Variants in PAPOLG observed in about 807,000 individuals in gnomAD.
PAPOLG encodes the protein PAP-gamma.
PAPOLG carries 40 observed loss-of-function variants against 99.0 expected under a neutral mutation model. That is an observed-to-expected ratio of 0.40 (90% confidence interval 0.31 to 0.53). The LOEUF (loss-of-function observed/expected upper bound fraction) is 0.53. PAPOLG is among the 20% of genes least tolerant of loss of function. The probability of loss-of-function intolerance (pLI) is 0.41; values close to 1 mark genes in which losing one functional copy is unlikely to be tolerated. For missense variants in PAPOLG, 675 were observed against 884.1 expected (o/e 0.76, Z 3.00); for synonymous variants, 310 against 299.3 (o/e 1.04, Z -0.37).
intron 3 of PAPOLG, 130 bp from the exon 4 acceptor site, chr2:60,768,340 G>C (rs1326842223): frequency 1.2e-6 from 1 of 805,036 alleles, no homozygotes; most frequent in African/African-American, 1.8e-5. Flanking sequence ...GACCTCAGGT[G>C]ATCCACCGGC....
intron 13 of PAPOLG, among the ~76,000 whole-genome samples, chr2:60,785,287 C>T (rs1229684890): frequency 6.6e-6 from 1 of 151,930 alleles, no homozygotes; most frequent in African/African-American, 2.4e-5. Context: ...TACAGGCGCC[C>T]GCACCTCGCC....
In PAPOLG at chr2:60,794,005, C is replaced by T. The variant is rs867025903; in HGVS notation, c.1803C>T (p.Pro601=). ...VDSTVKTVSP[P]TVCTIPTVVG... Reference sequence around the variant, plus strand: ...CTACAGTAAAAACTGTATCACCCCCCACTGTGTGTACCATTCCTACCGTAG... The same window carrying T: ...CTACAGTAAAAACTGTATCACCCCCTACTGTGTGTACCATTCCTACCGTAG... Residue 601 remains proline, a synonymous_variant, in exon 19 of 22, where the codon CCC becomes CCT. Coordinates refer to ENST00000238714, the MANE Select transcript of PAPOLG (RefSeq NM_022894.4). 5 of 1,612,242 alleles carry T rather than the reference C, an allele frequency of 3.1e-6. No individual in the cohort carries two copies. Among genetic ancestry groups the T allele is most frequent in the Non-Finnish European group, 2.5e-6 (3 of 1,178,288 alleles).
chr2:60,788,188 A>C (rs981368514), intron 15 of PAPOLG, among the ~76,000 whole-genome samples: 6 of 152,198 alleles, frequency 3.9e-5, no homozygotes, highest in Non-Finnish European at 2.9e-5. Flanking sequence ...AATGCATAGA[A>C]TATCTCTGGA....
At position 60,768,848 on chromosome 2, in the gene PAPOLG, T is replaced by A; in HGVS notation, c.396T>A (p.Phe132Leu). The change falls in exon 5 of 22, where the codon TTT (phenylalanine) becomes TTA (leucine). Residue 132 changes from phenylalanine (F) to leucine (L), a missense_variant. Phe to Leu is a conservative substitution (Grantham distance 22). Coordinates refer to ENST00000238714, the MANE Select transcript of PAPOLG (RefSeq NM_022894.4). ...AAAGATCTGATTTTTTTCAGTCTTT[T>A]TTTGAAAAATTGAAACATCAAGATG... ...HVERSDFFQS[F>L]FEKLKHQDGI... 1 of 1,602,984 alleles carries A rather than the reference T, an allele frequency of 6.2e-7. No homozygotes were observed. Among genetic ancestry groups the A allele is most frequent in the Non-Finnish European group, 8.5e-7 (1 of 1,173,778 alleles).
chr2:60,758,017 A>T (rs1459777319), intron 1 of PAPOLG, among the ~76,000 whole-genome samples: 1 of 152,162 alleles, frequency 6.6e-6, no homozygotes, highest in South Asian at 2.1e-4. Flanking sequence ...TGGAGTTCAG[A>T]TTCTGGCTTG....
chr2:60,768,418 T>C (rs1335006020), intron 3 of PAPOLG, 52 bp from the exon 4 acceptor site: 1 of 1,591,726 alleles, frequency 6.3e-7, no homozygotes, highest in Non-Finnish European at 8.6e-7. Flanking sequence ...GAGGTGACTT[T>C]TATGCTAAAT....
At chr2:60,780,833 A>T (rs1045310592) in intron 10 of PAPOLG, 54 bp downstream of exon 10, 2 of 1,369,152 alleles carry the variant, frequency 1.5e-6, no homozygotes, top group Non-Finnish European at 2.1e-6. Flanking sequence ...AGGACATTTC[A>T]CTAAATTACA....
chr2:60,786,304 C>T (rs1671359979), intron 13 of PAPOLG, among the ~76,000 whole-genome samples: 1 of 152,044 alleles, frequency 6.6e-6, no homozygotes, highest in Non-Finnish European at 1.5e-5. Flanking sequence ...GATCTTAGCT[C>T]ACTGCAACCT....
intron 8 of PAPOLG, among the ~76,000 whole-genome samples, chr2:60,778,339 TTTTA>T (rs550558897): frequency 7.3e-6 from 1 of 136,100 alleles, no homozygotes; most frequent in Non-Finnish European, 1.7e-5. Context: ...TTTTATTTTA[TTTTA>T]TTTATTTATT....
chr2:60,757,846 C>A (rs1172316283), intron 1 of PAPOLG, among the ~76,000 whole-genome samples: 1 of 152,146 alleles, frequency 6.6e-6, no homozygotes, highest in Non-Finnish European at 1.5e-5. Flanking sequence ...TTTCCCCTCC[C>A]CTCTAGATGG....
intron 9 of PAPOLG, 123 bp from the exon 10 acceptor site, chr2:60,780,584 C>G (rs1302023822): frequency 1.9e-6 from 2 of 1,049,318 alleles, no homozygotes; most frequent in African/African-American, 3.3e-5. Context: ...CCTTTTTTTC[C>G]TTTAATACCA....
intron 11 of PAPOLG, 94 bp downstream of exon 11, chr2:60,782,099 T>G: frequency 7.9e-7 from 1 of 1,264,088 alleles, no homozygotes. Flanking sequence ...GCAGTTAGAG[T>G]TATACCTATT....
At chr2:60,771,368 CATGTGA>C in intron 6 of PAPOLG, 145 bp from the exon 7 acceptor site, 1 of 726,714 alleles carries the variant, frequency 1.4e-6, no homozygotes, top group Non-Finnish European at 2.0e-6. Context: ...GTGATTTTCC[CATGTGA>C]GACTGCCTAC....
intron 7 of PAPOLG, among the ~76,000 whole-genome samples, chr2:60,774,297 G>T (rs572806324): frequency 1.5e-4 from 23 of 150,994 alleles, no homozygotes; most frequent in Admixed American, 1.3e-3. Flanking sequence ...AAAAGCCTTA[G>T]TATTATTATA....
At chr2:60,794,459 T>C in intron 19 of PAPOLG, 1 of 567,404 alleles carries the variant, frequency 1.8e-6, no homozygotes, top group Non-Finnish European at 3.1e-6. Flanking sequence ...TGATATGCCC[T>C]GCTTCCAGTA....
chr2:60,774,923 G>A, intron 7 of PAPOLG, 111 bp from the exon 8 acceptor site: 4 of 1,507,986 alleles, frequency 2.7e-6, no homozygotes, highest in Non-Finnish European at 3.5e-6. Flanking sequence ...AAGCCCCAAT[G>A]TTTTATTATC....
intron 7 of PAPOLG, 112 bp downstream of exon 7, chr2:60,771,742 T>C: frequency 8.6e-7 from 1 of 1,165,330 alleles, no homozygotes; most frequent in East Asian, 2.5e-5. Flanking sequence ...GTTTAAAATG[T>C]AATTTTCCTT....
chr2:60,779,902 T>A, intron 9 of PAPOLG, 127 bp downstream of exon 9: 1 of 834,802 alleles, frequency 1.2e-6, no homozygotes, highest in Non-Finnish European at 1.8e-6. Context: ...GTTGAAAGTA[T>A]AAAACATCAA....
Position 60,761,920 on chromosome 2 carries a change from T to C in PAPOLG, c.246+113T>C, listed in dbSNP as rs1558675258. On this transcript the variant is annotated intron_variant, in intron 3 of 21. Transcript: ENST00000238714. The stretch of plus-strand genomic sequence containing the variant: ...TGAAATACATCAAAGCTTGGCTCTC[T>C]GGTATATGTAGGAATGAATTGGTCT... 6 of 795,590 alleles carry C rather than the reference T, an allele frequency of 7.5e-6. No individual in the cohort carries two copies. In the South Asian group the frequency reaches 8.1e-5, roughly 11 times the overall value. 49.3% of individuals were successfully genotyped at this position (795,590 alleles called of 1,614,324 possible).
Sources: gnomAD v4.1 joint callset for allele counts (sites outside exome capture counted in the v4.1 genomes callset) on GRCh38, gnomAD v4.1.1 for gene constraint, MANE v1.5 for transcripts, NCBI Gene and HGNC (gene_info 2026-07-23, HGNC 2026-07-21) for gene names.